The following ZHX3 variants were observed in gnomAD, a reference collection of about 807,000 sequenced individuals.
The protein encoded by ZHX3 is zinc fingers and homeoboxes protein 3.
ZHX3 carries 20 observed loss-of-function variants against 64.5 expected under a neutral mutation model. That is an observed-to-expected ratio of 0.31 (90% CI 0.22 to 0.45). The LOEUF is 0.45. ZHX3 is among the 20% of genes least tolerant of loss of function. The pLI, the probability that ZHX3 is intolerant of heterozygous loss-of-function variation, is 1.00. For synonymous variants in ZHX3, 423 were observed against 461.6 expected, an observed-to-expected ratio of 0.92 and a Z score of 1.07; for missense variants, 1,041 against 1,195.8, an observed-to-expected ratio of 0.87 and a Z score of 1.91.
rs930393070 is a variant in ZHX3, at chr20:41,232,786, C to T, written c.-150-27720G>A. ...ATTTTTAGTAGAGACGGGGTTTCAC[C>T]GTGTTAGCCAGGATAGTCTCGATCT... On this transcript the variant is annotated intron_variant, in intron 2 of 3. Transcript: ENST00000683867. The surrounding 1 kb of genome is among the most constrained non-coding windows in gnomAD (Gnocchi z 5.0). 2.0e-5 allele frequency among the ~76,000 whole-genome samples: 3 copies of T among 151,980 alleles called. No individual in the cohort carries two copies. Among genetic ancestry groups the T allele is most frequent in the Non-Finnish European group, 2.9e-5 (2 of 68,000 alleles).
chr20:41,237,662 T>C (rs1184946193), intron 2 of ZHX3, among the ~76,000 whole-genome samples: 1 of 152,148 alleles, frequency 6.6e-6, no homozygotes, highest in Non-Finnish European at 1.5e-5. Flanking sequence ...TACTTAATGT[T>C]AAATGAAGAG....
chr20:41,229,994 C>T (rs949278705), intron 2 of ZHX3, among the ~76,000 whole-genome samples: 2 of 152,164 alleles, frequency 1.3e-5, no homozygotes, highest in Non-Finnish European at 2.9e-5. Flanking sequence ...TTTCTCAGCA[C>T]CATTTGTTGA....
rs1044782799 is a variant in ZHX3 at position 41,178,882 on chromosome 20, A to C, written c.*6309T>G. 6.6e-6 allele frequency: 1 copy of C among 152,648 alleles called. No individual in the cohort carries two copies. The highest frequency in any genetic ancestry group is 2.4e-5 in the African/African-American group (1 of 41,438). The allele number at this position is 152,648 out of a possible 1,614,324, so 9.5% of individuals were successfully genotyped here. Reference sequence around the variant, plus strand: ...TTTCATTGTGCCTCAAAACAAACAAAAACAGGGCAGTTGCCTCTTACTTGT... The same window carrying C: ...TTTCATTGTGCCTCAAAACAAACAACAACAGGGCAGTTGCCTCTTACTTGT... On this transcript the variant is annotated 3_prime_UTR_variant, in exon 4 of 4. Transcript: ENST00000683867.
chr20:41,296,356 G>GTAAGA (rs2044528608), intron 1 of ZHX3, among the ~76,000 whole-genome samples: 1 of 149,026 alleles, frequency 6.7e-6, no homozygotes, highest in South Asian at 2.2e-4. Flanking sequence ...CACAGAGAAA[G>GTAAGA]TAAGATAAGA....
intron 1 of ZHX3, among the ~76,000 whole-genome samples, chr20:41,295,435 A>G (rs1600656315): frequency 1.3e-5 from 2 of 152,236 alleles, no homozygotes; most frequent in Non-Finnish European, 2.9e-5. Flanking sequence ...AATTCTAGCC[A>G]TATAAAATTA....
At position 41,201,323 on chromosome 20, in the gene ZHX3, A is replaced by C; in HGVS notation, c.2860+734T>G. 2 of 1,304,664 alleles carry C rather than the reference A, an allele frequency of 1.5e-6. No individual in the cohort carries two copies. Among genetic ancestry groups the C allele is most frequent in the Non-Finnish European group, 2.0e-6 (2 of 989,030 alleles). The allele number at this position is 1,304,664 out of a possible 1,614,324, so 80.8% of individuals were successfully genotyped here. On this transcript the variant is annotated intron_variant, in intron 3 of 3. Transcript: ENST00000683867. The surrounding 1 kb of genome is among the most constrained non-coding windows in gnomAD (Gnocchi z 5.0). The stretch of plus-strand genomic sequence containing the variant: ...CTGCCCTCTGATGGGGTCTCTAATG[A>C]GAACACAAATGTCAAAGGGTAAGGA...
intron 2 of ZHX3, among the ~76,000 whole-genome samples, chr20:41,256,738 A>G (rs1222040179): frequency 6.6e-6 from 1 of 151,226 alleles, no homozygotes; most frequent in African/African-American, 2.4e-5. Context: ...CCCACACTCC[A>G]ACTCCTCCTA....
chr20:41,291,193 G>A (rs1359749451), intron 1 of ZHX3, among the ~76,000 whole-genome samples: 2 of 152,162 alleles, frequency 1.3e-5, no homozygotes, highest in African/African-American at 4.8e-5. Flanking sequence ...TTTCCCCCAT[G>A]CAGTGTTCTT....
intron 2 of ZHX3, among the ~76,000 whole-genome samples, chr20:41,218,150 A>AT (rs1187765785): frequency 1.3e-4 from 20 of 148,744 alleles, no homozygotes; most frequent in African/African-American, 5.0e-4. Context: ...TGTCTCCTAA[A>AT]AATGAAAAAA....
At chr20:41,237,789 T>C (rs980930570) in intron 2 of ZHX3, among the ~76,000 whole-genome samples, 17 of 152,308 alleles carry the variant, frequency 1.1e-4, no homozygotes, top group African/African-American at 2.9e-4. Context: ...AAAGAAAATA[T>C]GTTTTATTAA....
chr20:41,270,786 T>C, intron 1 of ZHX3, among the ~76,000 whole-genome samples: 1 of 152,216 alleles, frequency 6.6e-6, no homozygotes, highest in East Asian at 1.9e-4. Context: ...TTTCACTTTT[T>C]CTGCTTCTGT....
intron 2 of ZHX3, among the ~76,000 whole-genome samples, chr20:41,220,672 GTTTTT>G (rs1032691106): frequency 6.6e-6 from 1 of 151,238 alleles, no homozygotes. Flanking sequence ...GTTTTTTTTG[GTTTTT>G]TTTGTTTTGT....
intron 1 of ZHX3, among the ~76,000 whole-genome samples, chr20:41,269,727 G>C (rs1175326290): frequency 6.6e-6 from 1 of 152,082 alleles, no homozygotes; most frequent in Non-Finnish European, 1.5e-5. Context: ...CTTTGATTGA[G>C]ATGCCCATTA....
chr20:41,272,737 C>A (rs1284727807), intron 1 of ZHX3, among the ~76,000 whole-genome samples: 1 of 152,160 alleles, frequency 6.6e-6, no homozygotes, highest in Non-Finnish European at 1.5e-5. Flanking sequence ...GAAAAATATT[C>A]CACTGTATAT....
At chr20:41,244,067 AAATTGCAGGATATTT>A (rs1418968814) in intron 2 of ZHX3, among the ~76,000 whole-genome samples, 5 of 152,092 alleles carry the variant, frequency 3.3e-5, no homozygotes, top group Non-Finnish European at 5.9e-5. Flanking sequence ...GCTGTCCTGT[AAATTGCAGGATATTT>A]AGTAACATCC....
chr20:41,205,851 A>C (rs943847550), intron 2 of ZHX3, among the ~76,000 whole-genome samples: 1 of 152,182 alleles, frequency 6.6e-6, no homozygotes, highest in Non-Finnish European at 1.5e-5. Context: ...TGCCTCCCCA[A>C]GTGGGTCCCT....
At chr20:41,270,503 G>A (rs769881805) in intron 1 of ZHX3, among the ~76,000 whole-genome samples, 2 of 151,912 alleles carry the variant, frequency 1.3e-5, no homozygotes, top group Non-Finnish European at 2.9e-5. Flanking sequence ...GTGAAACCCT[G>A]TCTCTACTAA....
At chr20:41,296,591 C>A (rs751696516) in intron 1 of ZHX3, among the ~76,000 whole-genome samples, 2 of 152,212 alleles carry the variant, frequency 1.3e-5, no homozygotes, top group Non-Finnish European at 2.9e-5. Flanking sequence ...ATGAGCTCTG[C>A]CCATTCTAAA....
At chr20:41,302,986 G>A (rs1490517959) in intron 1 of ZHX3, among the ~76,000 whole-genome samples, 1 of 152,238 alleles carries the variant, frequency 6.6e-6, no homozygotes, top group Non-Finnish European at 1.5e-5. Context: ...CCTGGAGCTA[G>A]GATTAGGCAT....
Sources: allele counts gnomAD v4.1 joint callset (sites outside exome capture counted in the v4.1 genomes callset), GRCh38; gene constraint gnomAD v4.1.1; non-coding constraint Gnocchi (gnomAD v3.1); transcripts MANE v1.5; gene names NCBI Gene and HGNC (gene_info 2026-07-23, HGNC 2026-07-21).